Variants in EML1 observed in about 807,000 individuals in gnomAD.
EML1 encodes echinoderm microtubule-associated protein-like 1.
Under a neutral mutation model 110.4 loss-of-function variants are expected in EML1, and 27 were observed. That is an observed-to-expected ratio of 0.24 (90% CI 0.18 to 0.34). EML1 has a LOEUF of 0.34. Ranked by LOEUF, EML1 falls within the 10% of genes least tolerant of loss-of-function variation. The probability of loss-of-function intolerance (pLI) is 1.00; values close to 1 mark genes in which losing one functional copy is unlikely to be tolerated. For missense variants in EML1, 741 were observed against 1,030.9 expected (o/e 0.72, Z 3.85); for synonymous variants, 344 against 385.8 (o/e 0.89, Z 1.27).
In EML1 at chr14:99,937,823, C is replaced by A; in HGVS notation, c.2102C>A (p.Pro701His). Reference sequence around the variant, plus strand: ...GACTGTTTGCTTTTTGCAGGGGTTCCCTCTGCCTGTAAGCAAGTCGTAAGT... The same window carrying A: ...GACTGTTTGCTTTTTGCAGGGGTTCACTCTGCCTGTAAGCAAGTCGTAAGT... ...SGDYEILYWV[P>H]SACKQVVSVE... Residue 701 changes from proline (P) to histidine (H), a missense_variant, in exon 20 of 22, where the codon CCC (proline) becomes CAC (histidine). Physicochemically the swap from Pro to His is moderately conservative, Grantham distance 77. Around this residue, in one of 4 missense-constraint regions of EML1, gnomAD observed 388 missense variants for 605.6 expected, o/e 0.64. Coordinates refer to ENST00000262233, the MANE Select transcript of EML1 (RefSeq NM_004434.3). 1.2e-6 allele frequency: 2 copies of A among 1,613,992 alleles called. No homozygotes were observed. Among genetic ancestry groups the A allele is most frequent in the Non-Finnish European group, 1.7e-6 (2 of 1,179,902 alleles).
chr14:99,850,825 AG>A (rs1381421524), intron 1 of EML1, 27 bp from the exon 2 acceptor site: 1 of 1,605,668 alleles, frequency 6.2e-7, no homozygotes, highest in Admixed American at 1.7e-5. Flanking sequence ...GAACACTTAA[AG>A]CTCACTTGAT....
intron 1 of EML1, among the ~76,000 whole-genome samples, chr14:99,774,579 T>G (rs1002767111): frequency 2.0e-5 from 3 of 152,206 alleles, no homozygotes; most frequent in Non-Finnish European, 4.4e-5. Flanking sequence ...TCCAAGCCCC[T>G]GCTCTAGCCC....
intron 17 of EML1, among the ~76,000 whole-genome samples, chr14:99,933,700 A>G (rs1359394307): frequency 6.6e-6 from 1 of 152,248 alleles, no homozygotes; most frequent in Non-Finnish European, 1.5e-5. Context: ...AAATGGGGAT[A>G]ATTATATCTA....
intron 13 of EML1, 107 bp from the exon 14 acceptor site, chr14:99,914,072 T>C: frequency 7.4e-7 from 1 of 1,350,450 alleles, no homozygotes; most frequent in Non-Finnish European, 1.0e-6. Flanking sequence ...CATATGTGTA[T>C]ATAAAACTGT....
At chr14:99,831,560 C>A (rs990361141) in intron 1 of EML1, among the ~76,000 whole-genome samples, 3 of 152,164 alleles carry the variant, frequency 2.0e-5, no homozygotes, top group African/African-American at 7.2e-5. Flanking sequence ...GAGGCATACA[C>A]TTCTGTGCTG....
intron 1 of EML1, among the ~76,000 whole-genome samples, chr14:99,750,305 A>G (rs1420268647): frequency 4.6e-5 from 7 of 152,230 alleles, no homozygotes; most frequent in African/African-American, 1.7e-4. Context: ...AAAGCAGGTC[A>G]GATGCGATGA....
chr14:99,780,446 C>T (rs2057527158), intron 1 of EML1, among the ~76,000 whole-genome samples: 1 of 152,142 alleles, frequency 6.6e-6, no homozygotes, highest in Non-Finnish European at 1.5e-5. Flanking sequence ...GAGACTGTAC[C>T]TCCCCTTTTC....
intron 1 of EML1, among the ~76,000 whole-genome samples, chr14:99,741,438 G>A (rs1261903881): frequency 1.3e-5 from 2 of 152,032 alleles, no homozygotes; most frequent in African/African-American, 4.8e-5. Flanking sequence ...ATTCAGCTGG[G>A]TGAGCTGACA....
intron 1 of EML1, among the ~76,000 whole-genome samples, chr14:99,803,987 C>T (rs182335827): frequency 7.2e-5 from 11 of 152,286 alleles, no homozygotes; most frequent in African/African-American, 2.4e-4. Flanking sequence ...AATGTGGCAG[C>T]CGCTCCCAGG....
intron 4 of EML1, among the ~76,000 whole-genome samples, chr14:99,882,158 A>G (rs1041187209): frequency 4.4e-4 from 67 of 152,244 alleles, no homozygotes; most frequent in African/African-American, 1.5e-3. Context: ...GAACGTTAAT[A>G]ATTACATAGT....
upstream of EML1, among the ~76,000 whole-genome samples, chr14:99,789,401 G>A (rs377476498): frequency 2.9e-4 from 44 of 152,100 alleles, no homozygotes; most frequent in African/African-American, 9.9e-4. Context: ...TAGAGATGGG[G>A]TTTCACCATG....
chr14:99,836,992 T>TA (rs1491341982), intron 1 of EML1, among the ~76,000 whole-genome samples: 3 of 58,412 alleles, frequency 5.1e-5, no homozygotes, highest in Non-Finnish European at 4.5e-5. Context: ...ATTGTTCTAA[T>TA]TTTTTTTTTT....
chr14:99,873,404 G>A (rs933433263), intron 3 of EML1, among the ~76,000 whole-genome samples: 1 of 152,206 alleles, frequency 6.6e-6, no homozygotes, highest in African/African-American at 2.4e-5. Context: ...TACATAGCGT[G>A]ATTTGAAGAA....
chr14:99,904,528 C>A (rs1433817903), intron 9 of EML1, among the ~76,000 whole-genome samples: 2 of 148,226 alleles, frequency 1.3e-5, no homozygotes, highest in African/African-American at 4.9e-5. Flanking sequence ...ACTTTTCTTA[C>A]AAAATATTTG....
At chr14:99,777,403 T>C (rs1270282348) in intron 1 of EML1, among the ~76,000 whole-genome samples, 1 of 152,096 alleles carries the variant, frequency 6.6e-6, no homozygotes. Context: ...GTCTTTACCT[T>C]TCTTTCTTTT....
At chr14:99,786,444 A>G (rs1266306835) in intron 1 of EML1, among the ~76,000 whole-genome samples, 2 of 152,202 alleles carry the variant, frequency 1.3e-5, no homozygotes, top group Non-Finnish European at 2.9e-5. Context: ...GTCAAGCATG[A>G]TGGGCATTAG....
At chr14:99,917,666 T>C in intron 15 of EML1, 116 bp from the exon 16 acceptor site, 1 of 969,938 alleles carries the variant, frequency 1.0e-6, no homozygotes. Flanking sequence ...TAGAGCCATA[T>C]AGCCCTAAGG....
At chr14:99,862,596 C>T (rs1451190988) in intron 2 of EML1, among the ~76,000 whole-genome samples, 1 of 152,136 alleles carries the variant, frequency 6.6e-6, no homozygotes, top group African/African-American at 2.4e-5. Context: ...GGGTTATAAT[C>T]GAATACTATG....
At chr14:99,806,975 C>T (rs1002907749) in intron 1 of EML1, among the ~76,000 whole-genome samples, 2 of 152,002 alleles carry the variant, frequency 1.3e-5, no homozygotes, top group Admixed American at 6.6e-5. Flanking sequence ...GACCCGGGAT[C>T]TAGGAAGGAT....
Sources: gnomAD v4.1 joint callset for allele counts (sites outside exome capture counted in the v4.1 genomes callset) on GRCh38, gnomAD v4.1.1 for gene constraint, gnomAD v4.1.1 regional missense constraint, MANE v1.5 for transcripts, NCBI Gene and HGNC (gene_info 2026-07-23, HGNC 2026-07-21) for gene names.